Variants in PRKG1 observed in about 807,000 individuals in gnomAD.
The protein encoded by PRKG1 is cGMP-dependent protein kinase 1.
Under a neutral mutation model 88.1 loss-of-function variants are expected in PRKG1, and 35 were observed. That is an observed-to-expected ratio of 0.40 (90% CI 0.30 to 0.53). The LOEUF (loss-of-function observed/expected upper bound fraction) is 0.53, where lower values mean the gene tolerates loss of function less well. PRKG1 is among the 20% of genes least tolerant of loss of function. The probability of loss-of-function intolerance (pLI) is 0.59; values close to 1 mark genes in which losing one functional copy is unlikely to be tolerated. For missense variants in PRKG1, 540 were observed against 839.8 expected, an observed-to-expected ratio of 0.64 and a Z score of 4.41; for synonymous variants, 303 against 292.5, an observed-to-expected ratio of 1.04 and a Z score of -0.37.
intron 8 of PRKG1, among the ~76,000 whole-genome samples, chr10:52,159,255 ATAT>A (rs1838214760): frequency 6.6e-6 from 1 of 151,540 alleles, no homozygotes; most frequent in Non-Finnish European, 1.5e-5. Context: ...TTGTAGGTAC[ATAT>A]TATTTTCTCA....
At chr10:51,842,061 T>C (rs1258457953) in intron 4 of PRKG1, among the ~76,000 whole-genome samples, 3 of 152,204 alleles carry the variant, frequency 2.0e-5, no homozygotes, top group African/African-American at 7.2e-5. Flanking sequence ...ACTGTCCAGA[T>C]TCTCAGCTAA....
chr10:51,507,639 C>G (rs184160260), intron 3 of PRKG1, among the ~76,000 whole-genome samples: 1 of 152,202 alleles, frequency 6.6e-6, no homozygotes, highest in Non-Finnish European at 1.5e-5. Context: ...GGAGGTAATC[C>G]TTCTGCGGGT....
At chr10:51,476,380 CTG>C in intron 3 of PRKG1, among the ~76,000 whole-genome samples, 1 of 152,142 alleles carries the variant, frequency 6.6e-6, no homozygotes, top group South Asian at 2.1e-4. Context: ...AAGAAGCAAT[CTG>C]GGGTAGCTGA....
At chr10:51,994,290 TTCAGATAACACC>T (rs1844382073) in intron 5 of PRKG1, among the ~76,000 whole-genome samples, 2 of 152,172 alleles carry the variant, frequency 1.3e-5, no homozygotes, top group Non-Finnish European at 2.9e-5. Context: ...CTCCTTTTGC[TTCAGATAACACC>T]TCAGATAAAA....
intron 3 of PRKG1, among the ~76,000 whole-genome samples, chr10:51,700,930 A>T (rs1841449130): frequency 6.6e-6 from 1 of 152,194 alleles, no homozygotes; most frequent in South Asian, 2.1e-4. Flanking sequence ...AATAAAAACA[A>T]ATAAAAAGAA....
intron 3 of PRKG1, among the ~76,000 whole-genome samples, chr10:51,524,784 A>G (rs1564534633): frequency 6.6e-6 from 1 of 152,248 alleles, no homozygotes; most frequent in African/African-American, 2.4e-5. Flanking sequence ...ACTATGCTCA[A>G]TATACTAACA....
intron 1 of PRKG1, among the ~76,000 whole-genome samples, chr10:50,992,413 C>T (rs1385350708): frequency 1.3e-5 from 2 of 152,154 alleles, no homozygotes. Flanking sequence ...GTTTGGAGTC[C>T]GCTCAGTGAC....
At chr10:51,863,129 A>AATCAAGCATGTAC (rs11273996) in intron 4 of PRKG1, among the ~76,000 whole-genome samples, 104,526 of 151,760 alleles carry the variant, frequency 0.69, 36,320 homozygotes, top group African/African-American at 0.76. Context: ...AATCAGTAGG[A>AATCAAGCATGTAC]CCCCAGAGTA....
chr10:51,338,883 G>A (rs1201084252), intron 2 of PRKG1, among the ~76,000 whole-genome samples: 5 of 152,016 alleles, frequency 3.3e-5, no homozygotes, highest in African/African-American at 4.8e-5. Flanking sequence ...GATATCTAGC[G>A]CAATGCTAAG....
intron 3 of PRKG1, among the ~76,000 whole-genome samples, chr10:51,512,366 T>A (rs1841443474): frequency 8.8e-6 from 1 of 113,294 alleles, no homozygotes; most frequent in Non-Finnish European, 1.7e-5. Flanking sequence ...CACCACAGTC[T>A]CCAGAGTGTG....
chr10:51,737,522 G>C (rs1321451700), intron 3 of PRKG1, among the ~76,000 whole-genome samples: 1 of 152,018 alleles, frequency 6.6e-6, no homozygotes, highest in Non-Finnish European at 1.5e-5. Flanking sequence ...AAAGGGGTAG[G>C]TTTCACTGGT....
chr10:51,048,210 T>G (rs1227870814), intron 1 of PRKG1, among the ~76,000 whole-genome samples: 2 of 152,142 alleles, frequency 1.3e-5, no homozygotes, highest in Non-Finnish European at 2.9e-5. Context: ...TTCTTTCCTA[T>G]TTTCCTTTCT....
chr10:51,691,355 T>C (rs1352233684), intron 3 of PRKG1, among the ~76,000 whole-genome samples: 3 of 150,804 alleles, frequency 2.0e-5, no homozygotes, highest in Non-Finnish European at 4.4e-5. Flanking sequence ...TCACCCAGGC[T>C]GGAGTGCAGT....
At chr10:52,289,318 T>A (rs1178352903) in intron 16 of PRKG1, among the ~76,000 whole-genome samples, 3 of 152,070 alleles carry the variant, frequency 2.0e-5, no homozygotes, top group Non-Finnish European at 4.4e-5. Context: ...CAAATAAAAG[T>A]CCCCTACTGT....
At chr10:52,074,849 T>C (rs1048510630) in intron 7 of PRKG1, among the ~76,000 whole-genome samples, 1 of 152,200 alleles carries the variant, frequency 6.6e-6, no homozygotes, top group African/African-American at 2.4e-5. Flanking sequence ...ACATTACTCA[T>C]GTGTTCTGAT....
At chr10:51,342,731 C>CAAATACAGGTAATATATG (rs1227261547) in intron 2 of PRKG1, among the ~76,000 whole-genome samples, 1 of 152,136 alleles carries the variant, frequency 6.6e-6, no homozygotes, top group Admixed American at 6.5e-5. Flanking sequence ...ACAGGTAATA[C>CAAATACAGGTAATATATG]AATCAGAGAA....
intron 2 of PRKG1, among the ~76,000 whole-genome samples, chr10:51,251,161 G>T (rs1481836527): frequency 6.6e-6 from 1 of 151,706 alleles, no homozygotes; most frequent in Non-Finnish European, 1.5e-5. Flanking sequence ...ACAACAAATT[G>T]CATTGCTTCC....
At chr10:51,025,059 A>G (rs963945471) in intron 1 of PRKG1, among the ~76,000 whole-genome samples, 4 of 152,136 alleles carry the variant, frequency 2.6e-5, no homozygotes, top group Admixed American at 6.6e-5. Flanking sequence ...GGTGCAGGCT[A>G]AAAACCCCTT....
intron 4 of PRKG1, among the ~76,000 whole-genome samples, chr10:51,903,345 G>A (rs1460604159): frequency 6.6e-6 from 1 of 152,104 alleles, no homozygotes; most frequent in Non-Finnish European, 1.5e-5. Context: ...CTAGATGATA[G>A]TGTAGATTTA....
Sources: allele counts gnomAD v4.1 joint callset (sites outside exome capture counted in the v4.1 genomes callset), GRCh38; gene constraint gnomAD v4.1.1; transcripts MANE v1.5; gene names NCBI Gene and HGNC (gene_info 2026-07-23, HGNC 2026-07-21).